The following EPRS1 variants were observed in gnomAD, a reference collection of about 807,000 sequenced individuals.
EPRS1 encodes the protein glutamyl-prolyl-tRNA synthetase 1, also known as bifunctional glutamate/proline--tRNA ligase.
EPRS1 carries 107 observed loss-of-function variants against 188.3 expected under a neutral mutation model. That is an observed-to-expected ratio of 0.57 (90% CI 0.49 to 0.67). EPRS1 has a LOEUF of 0.67. Among genes scored for constraint, EPRS1 ranks in the 30% least tolerant of loss-of-function variants. EPRS1 has a pLI of 0.00. For missense variants in EPRS1, 1,577 were observed against 1,802.2 expected (o/e 0.88, Z 2.26); for synonymous variants, 596 against 593.1 (o/e 1.00, Z -0.07).
rs1444456268 is a variant in EPRS1 at position 220,030,466 on chromosome 1, C to G, written c.543G>C (p.Lys181Asn). ...GCTCAACAAATTTCCCAACATCTTG[C>G]TTTTTCTCAGGTGCCTGAAAAACAC... ...TTKARVAPEK[K>N]QDVGKFVELP... Residue 181 changes from lysine (K) to asparagine (N), a missense_variant, in exon 6 of 32, where the codon AAG becomes AAC. Physicochemically the swap from Lys to Asn is moderately conservative, Grantham distance 94 (BLOSUM62 0). Coordinates refer to ENST00000366923, the MANE Select transcript of EPRS1 (RefSeq NM_004446.3). The G allele has an allele frequency of 6.2e-7, 1 of 1,613,992 alleles. No individual in the cohort carries two copies. The highest frequency in any genetic ancestry group is 1.1e-5 in the South Asian group (1 of 91,088).
intron 1 of EPRS1, among the ~76,000 whole-genome samples, chr1:220,046,045 C>T (rs1662394889): frequency 6.6e-6 from 1 of 152,226 alleles, no homozygotes; most frequent in African/African-American, 2.4e-5. Flanking sequence ...GGTGAGTTGA[C>T]TGGGAGTTCA....
At chr1:219,972,704 C>T (rs1242967011) in intron 29 of EPRS1, among the ~76,000 whole-genome samples, 1 of 152,174 alleles carries the variant, frequency 6.6e-6, no homozygotes, top group Non-Finnish European at 1.5e-5. Context: ...ACCTTGAGAT[C>T]TATGATTCTA....
At chr1:220,030,954 T>G (rs1051841600) in intron 5 of EPRS1, among the ~76,000 whole-genome samples, 3 of 152,034 alleles carry the variant, frequency 2.0e-5, no homozygotes, top group African/African-American at 7.2e-5. Context: ...TAGCTGGGCC[T>G]GGCGGCGTGC....
At chr1:219,983,867 T>A (rs1660949835) in intron 21 of EPRS1, among the ~76,000 whole-genome samples, 1 of 139,926 alleles carries the variant, frequency 7.1e-6, no homozygotes, top group South Asian at 2.3e-4. Context: ...CACACCAGCC[T>A]AGGCAACAGA....
At position 220,007,268 on chromosome 1, in the gene EPRS1, GTC is replaced by G; in HGVS notation, c.1674_1675del (p.Glu558AspfsTer6). 6.2e-7 allele frequency: 1 copy of G among 1,613,906 alleles called. No individual in the cohort carries two copies. Among genetic ancestry groups the G allele is most frequent in the Non-Finnish European group, 8.5e-7 (1 of 1,179,824 alleles). ...TGTAACCATCTCACCCTCCGAAAAA[GTC>G]TCTGCATCAGCACCTTCAATGAAAA... On this transcript the variant is annotated frameshift_variant, in exon 14 of 32. Coordinates refer to ENST00000366923, the MANE Select transcript of EPRS1 (RefSeq NM_004446.3). LOFTEE classifies it high-confidence loss of function.
rs769366316 is a variant in EPRS1 at position 220,005,375 on chromosome 1, T to A, written c.1951-15A>T. On this transcript the variant is annotated splice_polypyrimidine_tract_variant and intron_variant, in intron 15 of 31. Coordinates refer to ENST00000366923, the MANE Select transcript of EPRS1 (RefSeq NM_004446.3). The stretch of plus-strand genomic sequence containing the variant: ...AGCTCTTCATGCTGTAAAGATGATA[T>A]AAACCAAAGTACACTTTCTCAAAAT... The A allele has an allele frequency of 3.0e-6, 4 of 1,327,078 alleles. No homozygotes were observed. The highest frequency in any genetic ancestry group is 4.2e-6 in the Non-Finnish European group (4 of 946,016). The allele number at this position is 1,327,078 out of a possible 1,614,324, so 82.2% of individuals were successfully genotyped here. A position where few individuals can be genotyped will look rare whatever the true frequency, so the allele number is the denominator to read the frequency against.
chr1:219,976,733 A>T lies in EPRS1; in HGVS notation c.4083+1813T>A, dbSNP rs7539406. Among the ~76,000 whole-genome samples, 1,339 of 152,300 alleles carry T rather than the reference A, an allele frequency of 8.8e-3. 20 individuals carry two copies. The highest frequency in any genetic ancestry group is 0.03 in the African/African-American group (1,265 of 41,570). ...AACAGGCTGTCTGTGAAGAAGAGAG[A>T]AAACGGCATATGAAAGGGGATAATG... On this transcript the variant is annotated intron_variant, in intron 28 of 31. Transcript: ENST00000366923.
intron 21 of EPRS1, 127 bp downstream of exon 21, chr1:219,984,079 C>G (rs1660956208): frequency 1.5e-6 from 1 of 680,682 alleles, no homozygotes; most frequent in Admixed American, 2.6e-5. Context: ...AATGACTACA[C>G]TGTGTATTAT....
chr1:219,972,168 A>G (rs757886414), intron 29 of EPRS1, 21 bp from the exon 30 acceptor site: 3 of 1,437,138 alleles, frequency 2.1e-6, no homozygotes, highest in Non-Finnish European at 9.6e-7. Flanking sequence ...AAATTAGAAA[A>G]CAATACATAA....
chr1:219,972,546 A>G (rs1660689467), intron 29 of EPRS1, among the ~76,000 whole-genome samples: 1 of 152,176 alleles, frequency 6.6e-6, no homozygotes, highest in Non-Finnish European at 1.5e-5. Context: ...GTGCCCTTAT[A>G]TAAGATGCAG....
At chr1:220,014,530 A>C (rs6541120) in intron 12 of EPRS1, among the ~76,000 whole-genome samples, 6 of 151,998 alleles carry the variant, frequency 3.9e-5, no homozygotes, top group African/African-American at 1.2e-4. Flanking sequence ...ACGAGAGACA[A>C]TGGGAATAAG....
intron 1 of EPRS1, among the ~76,000 whole-genome samples, chr1:220,041,948 T>C (rs1662302379): frequency 6.6e-6 from 1 of 152,142 alleles, no homozygotes; most frequent in Non-Finnish European, 1.5e-5. Context: ...AAAAATCTTA[T>C]TGTGTTAGAA....
At chr1:220,012,862 A>G (rs1056739026) in intron 12 of EPRS1, among the ~76,000 whole-genome samples, 1 of 152,300 alleles carries the variant, frequency 6.6e-6, no homozygotes, top group African/African-American at 2.4e-5. Flanking sequence ...TCCCCTTCAC[A>G]TACTTCAACC....
rs3835617 is a variant in EPRS1, at chr1:220,019,701, C to CA, written c.1349+286dup. Among the ~76,000 whole-genome samples, 15 of 152,246 alleles carry CA rather than the reference C, an allele frequency of 9.9e-5. No homozygotes were observed. In the East Asian group the frequency reaches 2.9e-3, roughly 29 times the overall value. On this transcript the variant is annotated intron_variant, in intron 10 of 31. Coordinates refer to ENST00000366923, the MANE Select transcript of EPRS1 (RefSeq NM_004446.3). ...ATCAGTAACCAAATATACCAAGAAC[C>CA]AGAAAGTCAAAACTGTTCTTCTATT...
At chr1:220,013,229 C>T (rs1299584273) in intron 12 of EPRS1, among the ~76,000 whole-genome samples, 5 of 152,092 alleles carry the variant, frequency 3.3e-5, no homozygotes, top group Non-Finnish European at 7.4e-5. Context: ...TGAAATGTCT[C>T]CTACCACTAT....
Position 220,033,491 on chromosome 1 carries a change from A to G in EPRS1, c.388+11T>C. 1.3e-6 allele frequency: 2 copies of G among 1,572,622 alleles called. No homozygotes were observed. Among genetic ancestry groups the G allele is most frequent in the Non-Finnish European group, 1.7e-6 (2 of 1,160,650 alleles). On this transcript the variant is annotated intron_variant, in intron 4 of 31. Coordinates refer to ENST00000366923, the MANE Select transcript of EPRS1 (RefSeq NM_004446.3). ...CGATTAAAACAGAGGATTATTAAGA[A>G]TTATTGATACCTTTTAGGGTGGCCC...
chr1:220,004,961 T>C (rs1287264333), intron 16 of EPRS1, among the ~76,000 whole-genome samples: 2 of 152,132 alleles, frequency 1.3e-5, no homozygotes, highest in Non-Finnish European at 2.9e-5. Flanking sequence ...AGATAGGTAA[T>C]ATACAGACTG....
chr1:220,034,051 C>A (rs1266213224), intron 3 of EPRS1, among the ~76,000 whole-genome samples: 1 of 152,056 alleles, frequency 6.6e-6, no homozygotes, highest in Non-Finnish European at 1.5e-5. Flanking sequence ...AGAAACCATT[C>A]TGTGTACTTT....
intron 12 of EPRS1, among the ~76,000 whole-genome samples, chr1:220,013,367 G>A (rs1661643546): frequency 6.6e-6 from 1 of 152,140 alleles, no homozygotes; most frequent in Non-Finnish European, 1.5e-5. Context: ...AAGGGATATT[G>A]AGATAACTAA....
Sources: allele counts gnomAD v4.1 joint callset (sites outside exome capture counted in the v4.1 genomes callset), GRCh38; gene constraint gnomAD v4.1.1; transcripts MANE v1.5; gene names NCBI Gene and HGNC (gene_info 2026-07-23, HGNC 2026-07-21).